RGSL1: variants seen among roughly 807,000 people sequenced by gnomAD.
RGSL1 encodes regulator of G protein signaling protein-like.
In RGSL1, 97 loss-of-function variants were observed where a neutral mutation model predicts 124.7. That is an observed-to-expected ratio of 0.78 (90% CI 0.66 to 0.92). The LOEUF is 0.92. Among genes scored for constraint, RGSL1 ranks in the 40% least tolerant of loss-of-function variants. RGSL1 has a pLI of 0.00. For synonymous variants in RGSL1, 424 were observed against 438.1 expected, an observed-to-expected ratio of 0.97 and a Z score of 0.40; for missense variants, 1,233 against 1,288.4, an observed-to-expected ratio of 0.96 and a Z score of 0.66.
intron 21 of RGSL1, among the ~76,000 whole-genome samples, chr1:182,557,795 G>A (rs1043521771): frequency 2.0e-5 from 3 of 152,144 alleles, no homozygotes; most frequent in Admixed American, 2.0e-4. Flanking sequence ...AAGTTTTGTT[G>A]ATTGCTTCTT....
intron 18 of RGSL1, among the ~76,000 whole-genome samples, chr1:182,552,489 G>A (rs936817924): frequency 7.9e-5 from 12 of 152,266 alleles, no homozygotes; most frequent in Non-Finnish European, 1.8e-4. Flanking sequence ...GTGTCTTTCA[G>A]GGGAAAGTTC....
At chr1:182,480,019 T>C (rs1277007246) in intron 6 of RGSL1, among the ~76,000 whole-genome samples, 1 of 152,198 alleles carries the variant, frequency 6.6e-6, no homozygotes, top group Non-Finnish European at 1.5e-5. Context: ...AACTTAATCT[T>C]CTATTATTAT....
chr1:182,464,493 G>A (rs1653109622), intron 4 of RGSL1, among the ~76,000 whole-genome samples: 1 of 152,164 alleles, frequency 6.6e-6, no homozygotes, highest in Non-Finnish European at 1.5e-5. Flanking sequence ...GGAGGCCTTA[G>A]GGGGTGGATC....
At chr1:182,457,181 A>G (rs1257516013) in intron 2 of RGSL1, among the ~76,000 whole-genome samples, 2 of 152,096 alleles carry the variant, frequency 1.3e-5, no homozygotes, top group Admixed American at 6.6e-5. Context: ...GTTAAATGAT[A>G]TGCCTAAGAT....
In RGSL1 at chr1:182,537,027, G is replaced by T. The variant is rs185319092; in HGVS notation, c.2495-3220G>T. 1.6e-4 allele frequency among the ~76,000 whole-genome samples: 24 copies of T among 152,244 alleles called. No individual in the cohort carries two copies. The East Asian group carries it at 4.6e-3, about 29-fold the overall frequency. On this transcript the variant is annotated intron_variant, in intron 14 of 21. Coordinates refer to ENST00000294854, the MANE Select transcript of RGSL1 (RefSeq NM_001137669.2). ...TGTCTTGGCCTTTATTGGGTTATAA[G>T]AATTCTTTATATAATCTGGATATAT...
chr1:182,533,258 A>G (rs1659306851), intron 14 of RGSL1, among the ~76,000 whole-genome samples: 1 of 125,060 alleles, frequency 8.0e-6, no homozygotes, highest in South Asian at 2.3e-4. Context: ...TACTTTTCCC[A>G]CAAAATTGAT....
chr1:182,488,725 CAAAAAAAAAA>C (rs561296385), intron 7 of RGSL1: 1,385 of 104,888 alleles, frequency 0.013, 27 homozygotes, highest in African/African-American at 0.063. Context: ...GACTCCGTCT[CAAAAAAAAAA>C]AAAAAAAAAA....
intron 19 of RGSL1, among the ~76,000 whole-genome samples, chr1:182,554,403 A>G (rs1161363108): frequency 6.6e-6 from 1 of 152,210 alleles, no homozygotes; most frequent in Middle Eastern, 3.2e-3. Context: ...CTTCGTGTCC[A>G]GATGAAAGGT....
intron 9 of RGSL1, among the ~76,000 whole-genome samples, chr1:182,497,738 A>G (rs1445417920): frequency 6.6e-6 from 1 of 152,118 alleles, no homozygotes; most frequent in African/African-American, 2.4e-5. Flanking sequence ...GAAGATTCCA[A>G]GTCTATTTTT....
intron 15 of RGSL1, among the ~76,000 whole-genome samples, chr1:182,540,943 A>T (rs1312218842): frequency 6.6e-6 from 1 of 152,206 alleles, no homozygotes; most frequent in East Asian, 1.9e-4. Context: ...ACTATACCCC[A>T]AAAGCTGTCT....
At chr1:182,471,124 C>T (rs554133137) in intron 4 of RGSL1, among the ~76,000 whole-genome samples, 29 of 152,242 alleles carry the variant, frequency 1.9e-4, no homozygotes, top group South Asian at 6.2e-4. Context: ...TGGTGCCCAG[C>T]TTCAAAAGCA....
In RGSL1 at chr1:182,488,277, G is replaced by GCA; in HGVS notation, c.1432-8_1432-7insCA. 2 of 1,552,092 alleles carry GCA rather than the reference G, an allele frequency of 1.3e-6. No homozygotes were observed. The highest frequency in any genetic ancestry group is 8.7e-7 in the Non-Finnish European group (1 of 1,147,036). ...CCTCATAATGCATATGCTGTGTTTGGTTTTCAGATGCTCAGTCCCTGGTAT... is the reference window on the plus strand; with the variant it reads ...CCTCATAATGCATATGCTGTGTTTGGCATTTTCAGATGCTCAGTCCCTGGTAT... On this transcript the variant is annotated splice_polypyrimidine_tract_variant and splice_region_variant and intron_variant, in intron 6 of 21. Coordinates refer to ENST00000294854, the MANE Select transcript of RGSL1 (RefSeq NM_001137669.2).
At chr1:182,459,328 GGCTTCCACAT>G (rs1652613033) in intron 3 of RGSL1, among the ~76,000 whole-genome samples, 1 of 151,448 alleles carries the variant, frequency 6.6e-6, no homozygotes, top group Non-Finnish European at 1.5e-5. Context: ...ACTTACCAAT[GGCTTCCACAT>G]CCCCTACAAG....
intron 2 of RGSL1, among the ~76,000 whole-genome samples, chr1:182,455,977 A>G (rs2101984706): frequency 6.6e-6 from 1 of 152,328 alleles, no homozygotes; most frequent in East Asian, 1.9e-4. Flanking sequence ...AGGAAGGGAA[A>G]GCGGTTAGGA....
intron 9 of RGSL1, among the ~76,000 whole-genome samples, chr1:182,521,114 G>A (rs1055978391): frequency 5.9e-5 from 9 of 152,074 alleles, no homozygotes; most frequent in African/African-American, 2.2e-4. Flanking sequence ...CTGTTGACCA[G>A]GCTGGAGTGC....
At chr1:182,559,171 C>T (rs1246957948) in intron 21 of RGSL1, among the ~76,000 whole-genome samples, 1 of 152,190 alleles carries the variant, frequency 6.6e-6, no homozygotes, top group African/African-American at 2.4e-5. Context: ...CTTCTTACAA[C>T]GCACTCTCCC....
rs1429512366 is a variant in RGSL1, at chr1:182,532,703, T to C, written c.2406T>C (p.Phe802=). ...GAATGATCAGCTTTATCAGGAGTTT[T>C]TGCAAGTACCGCAGATTTATGTTGA... is the stretch of plus-strand genomic sequence containing the variant. ...WMRMISFIRS[F]CKYRRFMLNP... The change falls in exon 14 of 22, where the codon TTT becomes TTC. Residue 802 remains phenylalanine (F), a synonymous_variant. Coordinates refer to ENST00000294854, the MANE Select transcript of RGSL1 (RefSeq NM_001137669.2). 6 of 1,551,054 alleles carry C rather than the reference T, an allele frequency of 3.9e-6. No homozygotes were observed. In the Admixed American group the frequency reaches 7.8e-5, roughly 20 times the overall value.
At chr1:182,522,777 T>A (rs1658443044) in intron 10 of RGSL1, among the ~76,000 whole-genome samples, 1 of 152,196 alleles carries the variant, frequency 6.6e-6, no homozygotes, top group African/African-American at 2.4e-5. Flanking sequence ...ATGTACTACT[T>A]TTTACCGGTC....
At chr1:182,523,213 T>TTC (rs935899665) in intron 10 of RGSL1, among the ~76,000 whole-genome samples, 1 of 149,870 alleles carries the variant, frequency 6.7e-6, no homozygotes, top group Non-Finnish European at 1.5e-5. Context: ...TTTTTCTTTT[T>TTC]TTTTTTTTCT....
Sources: allele counts gnomAD v4.1 joint callset (sites outside exome capture counted in the v4.1 genomes callset), GRCh38; gene constraint gnomAD v4.1.1; transcripts MANE v1.5; gene names NCBI Gene and HGNC (gene_info 2026-07-23, HGNC 2026-07-21).